ARL15: variants seen among roughly 807,000 people sequenced by gnomAD.
ARL15 encodes ADP-ribosylation factor-like protein 15.
In ARL15, 19 loss-of-function variants were observed where a neutral mutation model predicts 25.2. The observed-to-expected ratio is 0.75, with a 90% CI of 0.53 to 1.10. ARL15 has a LOEUF of 1.10. ARL15 is among the 50% of genes least tolerant of loss of function. The pLI is 0.00. For missense variants in ARL15, 220 were observed against 246.0 expected (o/e 0.89, Z 0.71); for synonymous variants, 94 against 86.8 (o/e 1.08, Z -0.46).
intron 3 of ARL15, among the ~76,000 whole-genome samples, chr5:54,124,170 T>C (rs1753175612): frequency 6.6e-6 from 1 of 152,188 alleles, no homozygotes; most frequent in South Asian, 2.1e-4. Flanking sequence ...GGGTATCCAG[T>C]AAGGTTCCAC....
At chr5:54,206,916 A>C (rs896625094) in intron 1 of ARL15, among the ~76,000 whole-genome samples, 12 of 152,252 alleles carry the variant, frequency 7.9e-5, no homozygotes, top group African/African-American at 2.9e-4. Context: ...CAATTAAAAT[A>C]CAATGCATTT....
At chr5:54,282,340 A>T (rs1400551962) in intron 1 of ARL15, 5 of 985,402 alleles carry the variant, frequency 5.1e-6, no homozygotes, top group Non-Finnish European at 6.0e-6. Context: ...ATAAGATTAA[A>T]ATAAGAATAA....
chr5:54,205,726 G>C (rs929047822), intron 1 of ARL15, among the ~76,000 whole-genome samples: 1 of 152,160 alleles, frequency 6.6e-6, no homozygotes, highest in Admixed American at 6.5e-5. Flanking sequence ...TGCTGTGGAG[G>C]ACTAAATATG....
At chr5:54,154,811 C>G (rs36001635) in intron 2 of ARL15, among the ~76,000 whole-genome samples, 172 bp from the exon 3 acceptor site, 11,006 of 152,148 alleles carry the variant, frequency 0.072, 507 homozygotes, top group East Asian at 0.14. Flanking sequence ...TGAATATTAT[C>G]TTCTGCCATT....
intron 4 of ARL15, among the ~76,000 whole-genome samples, chr5:54,030,441 CT>C (rs1321772329): frequency 6.6e-6 from 1 of 152,152 alleles, no homozygotes; most frequent in Non-Finnish European, 1.5e-5. Flanking sequence ...ATTTAAAAGT[CT>C]TTTCAATTTT....
chr5:54,276,162 A>G (rs1354715781), intron 1 of ARL15, among the ~76,000 whole-genome samples: 1 of 152,202 alleles, frequency 6.6e-6, no homozygotes, highest in Non-Finnish European at 1.5e-5. Context: ...TCAAATCATT[A>G]AAATGTGTGA....
At chr5:54,023,959 T>C (rs1189717882) in intron 4 of ARL15, among the ~76,000 whole-genome samples, 1 of 152,166 alleles carries the variant, frequency 6.6e-6, no homozygotes, top group African/African-American at 2.4e-5. Flanking sequence ...AATCATTTAC[T>C]ACTCTCCTAA....
intron 1 of ARL15, among the ~76,000 whole-genome samples, chr5:54,191,774 T>C (rs891581063): frequency 6.6e-6 from 1 of 152,188 alleles, no homozygotes; most frequent in African/African-American, 2.4e-5. Flanking sequence ...AGCCTCACAC[T>C]GGCTCCCTGC....
chr5:54,010,603 CAA>C (rs1037407277), intron 4 of ARL15, among the ~76,000 whole-genome samples: 1 of 152,096 alleles, frequency 6.6e-6, no homozygotes, highest in African/African-American at 2.4e-5. Flanking sequence ...ATACAAAGCC[CAA>C]GACTGTCCAA....
intron 4 of ARL15, among the ~76,000 whole-genome samples, chr5:54,010,925 G>A (rs560102188): frequency 6.6e-6 from 1 of 151,728 alleles, no homozygotes; most frequent in Non-Finnish European, 1.5e-5. Flanking sequence ...GCGTGAACCC[G>A]GGAGGCGGAG....
chr5:54,275,291 T>A (rs896164089), intron 1 of ARL15, among the ~76,000 whole-genome samples: 4 of 152,210 alleles, frequency 2.6e-5, no homozygotes, highest in Non-Finnish European at 2.9e-5. Context: ...AAAAGATGAC[T>A]GATTGTCCCC....
chr5:54,244,620 A>C (rs1194257457), intron 1 of ARL15, among the ~76,000 whole-genome samples: 2 of 152,214 alleles, frequency 1.3e-5, no homozygotes, highest in African/African-American at 2.4e-5. Context: ...ATAAATATAA[A>C]GTAATGGGCT....
At chr5:54,119,072 C>CT (rs1446941316) in intron 3 of ARL15, among the ~76,000 whole-genome samples, 2 of 152,142 alleles carry the variant, frequency 1.3e-5, no homozygotes, top group African/African-American at 4.8e-5. Flanking sequence ...TATGTTCTCA[C>CT]TATGGTTCAT....
intron 1 of ARL15, among the ~76,000 whole-genome samples, chr5:54,289,266 G>C (rs1191944489): frequency 6.6e-6 from 1 of 151,890 alleles, no homozygotes; most frequent in Non-Finnish European, 1.5e-5. Flanking sequence ...GGAACAGTGA[G>C]AGCAAAGTCC....
chr5:54,215,797 T>TG (rs963802092), intron 1 of ARL15, among the ~76,000 whole-genome samples: 4 of 25,022 alleles, frequency 1.6e-4, no homozygotes, highest in African/African-American at 3.7e-4. Context: ...CAGTCAGGGG[T>TG]GGGGGGCTGG....
At chr5:53,904,497 A>G (rs911754271) in intron 4 of ARL15, among the ~76,000 whole-genome samples, 2 of 152,206 alleles carry the variant, frequency 1.3e-5, no homozygotes, top group African/African-American at 2.4e-5. Flanking sequence ...GGATTTAGAT[A>G]AGATAACTAC....
chr5:53,946,184 T>A (rs1190219163), intron 4 of ARL15, among the ~76,000 whole-genome samples: 2 of 152,180 alleles, frequency 1.3e-5, no homozygotes, highest in East Asian at 3.9e-4. Flanking sequence ...CTGCGCACCA[T>A]CGCTCACACC....
At chr5:54,288,977 G>A (rs749313869) in intron 1 of ARL15, among the ~76,000 whole-genome samples, 4 of 152,184 alleles carry the variant, frequency 2.6e-5, no homozygotes, top group Non-Finnish European at 2.9e-5. Context: ...ATTTTGCAAG[G>A]AAGTAAGAGG....
intron 4 of ARL15, among the ~76,000 whole-genome samples, chr5:53,973,927 A>G (rs1320433254): frequency 2.0e-5 from 3 of 152,094 alleles, no homozygotes; most frequent in African/African-American, 4.8e-5. Context: ...CATATAATAA[A>G]GTCTTTAAAA....
Sources: gnomAD v4.1 joint callset for allele counts (sites outside exome capture counted in the v4.1 genomes callset) on GRCh38, gnomAD v4.1.1 for gene constraint, MANE v1.5 for transcripts, NCBI Gene and HGNC (gene_info 2026-07-23, HGNC 2026-07-21) for gene names.